The following LSAMP variants were observed in gnomAD, a reference collection of about 807,000 sequenced individuals.
LSAMP encodes limbic system associated membrane protein.
In LSAMP, 7 loss-of-function variants were observed where a neutral mutation model predicts 38.6. That is an observed-to-expected ratio of 0.18 (90% CI 0.10 to 0.34). The LOEUF is 0.34. LSAMP is among the 10% of genes least tolerant of loss of function. The probability of loss-of-function intolerance (pLI) is 1.00; values close to 1 mark genes in which losing one functional copy is unlikely to be tolerated. For missense variants in LSAMP, 313 were observed against 420.0 expected, an observed-to-expected ratio of 0.75 and a Z score of 2.23; for synonymous variants, 154 against 166.8, an observed-to-expected ratio of 0.92 and a Z score of 0.59.
intron 1 of LSAMP, among the ~76,000 whole-genome samples, chr3:116,319,402 C>T (rs17646258): frequency 0.16 from 23,706 of 152,056 alleles, 2,123 homozygotes; most frequent in Admixed American, 0.2. Context: ...CATGATTTCT[C>T]TTTCTATTCC....
At chr3:116,251,368 T>A (rs769353161) in intron 1 of LSAMP, among the ~76,000 whole-genome samples, 1 of 152,144 alleles carries the variant, frequency 6.6e-6, no homozygotes, top group Non-Finnish European at 1.5e-5. Flanking sequence ...AAGGTAGAGA[T>A]AGAAAACAGG....
chr3:116,162,630 AGT>A (rs947781947), intron 1 of LSAMP, among the ~76,000 whole-genome samples: 2 of 149,502 alleles, frequency 1.3e-5, no homozygotes, highest in African/African-American at 2.5e-5. Context: ...TGTGCGTGTG[AGT>A]GTGTGTGTAC....
chr3:115,844,062 C>T (rs1056735096), intron 4 of LSAMP, among the ~76,000 whole-genome samples: 1 of 152,152 alleles, frequency 6.6e-6, no homozygotes, highest in African/African-American at 2.4e-5. Context: ...TTGGACTTCT[C>T]ATCATACGTT....
intron 1 of LSAMP, among the ~76,000 whole-genome samples, chr3:116,196,390 T>A (rs576697167): frequency 7.8e-4 from 119 of 152,310 alleles, no homozygotes; most frequent in Middle Eastern, 3.4e-3. Context: ...CAATATATAT[T>A]TTTTGACAAC....
In LSAMP at chr3:115,804,113, A is replaced by C. The variant is rs1387077192; in HGVS notation, c.*6204T>G. The C allele has an allele frequency of 6.6e-6, 1 of 152,186 alleles. No homozygotes were observed. Among genetic ancestry groups the C allele is most frequent in the African/African-American group, 2.4e-5 (1 of 41,450 alleles). The allele number at this position is 152,186 out of a possible 1,614,324, so 9.4% of individuals were successfully genotyped here. A position where few individuals can be genotyped will look rare whatever the true frequency, so the allele number is the denominator to read the frequency against. Reference sequence around the variant, plus strand: ...TACACTGCTATAAAGTTTTGATCAGAAAAAATTTACAGACCCAGTCCAGAG... The same window carrying C: ...TACACTGCTATAAAGTTTTGATCAGCAAAAATTTACAGACCCAGTCCAGAG... On this transcript the variant is annotated 3_prime_UTR_variant, in exon 7 of 7. Coordinates refer to ENST00000490035, the MANE Select transcript of LSAMP (RefSeq NM_002338.5).
chr3:115,902,124 C>T (rs1053029316), intron 3 of LSAMP, among the ~76,000 whole-genome samples: 10 of 151,986 alleles, frequency 6.6e-5, no homozygotes, highest in African/African-American at 2.4e-4. Context: ...AGTGGATAAT[C>T]TATAACATTA....
At chr3:115,869,335 C>A (rs570647200) in intron 3 of LSAMP, among the ~76,000 whole-genome samples, 2 of 140,084 alleles carry the variant, frequency 1.4e-5, no homozygotes, top group Non-Finnish European at 3.1e-5. Flanking sequence ...CCTACAAATA[C>A]AAAAAGAATG....
intron 3 of LSAMP, among the ~76,000 whole-genome samples, chr3:115,941,559 G>A (rs562441749): frequency 1.1e-4 from 17 of 151,694 alleles, no homozygotes; most frequent in East Asian, 5.8e-4. Context: ...AAAAATTGGC[G>A]CACACACACA....
At chr3:115,879,595 T>G (rs1456475274) in intron 3 of LSAMP, among the ~76,000 whole-genome samples, 1 of 152,178 alleles carries the variant, frequency 6.6e-6, no homozygotes, top group African/African-American at 2.4e-5. Context: ...CATGCTCCAT[T>G]AAGCATGGGC....
chr3:116,406,878 G>A (rs1388813396), intron 1 of LSAMP, among the ~76,000 whole-genome samples: 1 of 151,860 alleles, frequency 6.6e-6, no homozygotes, highest in East Asian at 1.9e-4. Flanking sequence ...GGAAGAGGAG[G>A]CCTAGAAAGA....
intron 2 of LSAMP, chr3:116,051,306 C>T (rs967029219): frequency 2.8e-4 from 42 of 152,070 alleles, no homozygotes; most frequent in African/African-American, 9.4e-4. Flanking sequence ...CCATGTGACT[C>T]GTCACTGGAC....
chr3:115,916,805 A>G lies in LSAMP; in HGVS notation c.515-64188T>C, dbSNP rs539210594. ...TCACTTGCCTAAGGTCAGGAATCAT[A>G]TTCAAGTCTATCTCTCTATCTCTGT... On this transcript the variant is annotated intron_variant, in intron 3 of 6. Coordinates refer to ENST00000490035, the MANE Select transcript of LSAMP (RefSeq NM_002338.5). Among the ~76,000 whole-genome samples the G allele has an allele frequency of 2.0e-5, 3 of 152,318 alleles. No homozygotes were observed. In the East Asian group the frequency reaches 5.8e-4, roughly 29 times the overall value.
At chr3:116,286,323 C>A (rs897199492) in intron 1 of LSAMP, among the ~76,000 whole-genome samples, 1 of 152,162 alleles carries the variant, frequency 6.6e-6, no homozygotes, top group Non-Finnish European at 1.5e-5. Context: ...AGGAAACAAC[C>A]TTGCCATGGA....
intron 3 of LSAMP, among the ~76,000 whole-genome samples, chr3:115,853,608 A>G (rs1935402553): frequency 6.6e-6 from 1 of 152,108 alleles, no homozygotes; most frequent in Non-Finnish European, 1.5e-5. Context: ...AGGGAGAAAA[A>G]TGAAAAGAGG....
chr3:115,910,129 A>G (rs905030529), intron 3 of LSAMP, among the ~76,000 whole-genome samples: 5 of 152,146 alleles, frequency 3.3e-5, no homozygotes, highest in Non-Finnish European at 7.3e-5. Context: ...TTTAAAGTGG[A>G]AGCAGAATAT....
intron 1 of LSAMP, among the ~76,000 whole-genome samples, chr3:116,377,983 C>T (rs1283477790): frequency 6.6e-6 from 1 of 152,038 alleles, no homozygotes; most frequent in Non-Finnish European, 1.5e-5. Context: ...GCTCTTCCAC[C>T]TCAGTTTCTA....
intron 2 of LSAMP, among the ~76,000 whole-genome samples, chr3:116,078,564 G>A (rs1707802036): frequency 6.6e-6 from 1 of 152,110 alleles, no homozygotes; most frequent in Non-Finnish European, 1.5e-5. Flanking sequence ...CTGACCTTGT[G>A]ATCCACCCGC....
intron 6 of LSAMP, chr3:115,834,456 T>C (rs878976756): frequency 9.5e-6 from 8 of 844,322 alleles, no homozygotes; most frequent in South Asian, 8.4e-5. Context: ...ATTTATATTG[T>C]ATGTGAATTT....
At chr3:115,926,844 C>T (rs1396600134) in intron 3 of LSAMP, among the ~76,000 whole-genome samples, 3 of 152,166 alleles carry the variant, frequency 2.0e-5, no homozygotes, top group African/African-American at 7.2e-5. Flanking sequence ...CCCATCTCTT[C>T]TTGACTTTTC....
Sources: allele counts gnomAD v4.1 joint callset (sites outside exome capture counted in the v4.1 genomes callset), GRCh38; gene constraint gnomAD v4.1.1; transcripts MANE v1.5; gene names NCBI Gene and HGNC (gene_info 2026-07-23, HGNC 2026-07-21).